Variants in CAST observed in about 807,000 individuals in gnomAD.
CAST encodes the protein calpastatin, also known as MIR583 host.
CAST carries 76 observed loss-of-function variants against 119.6 expected under a neutral mutation model. That is an observed-to-expected ratio of 0.64 (90% confidence interval 0.53 to 0.77). The LOEUF (loss-of-function observed/expected upper bound fraction) is 0.77, where lower values mean the gene tolerates loss of function less well. Ranked by LOEUF, CAST falls within the 30% of genes least tolerant of loss-of-function variation. CAST has a pLI of 0.00. For missense variants in CAST, 953 were observed against 946.5 expected (o/e 1.01, Z -0.09); for synonymous variants, 319 against 331.6 (o/e 0.96, Z 0.41).
At chr5:96,439,947 T>C in the CAST span, among the ~76,000 whole-genome samples, 1 of 152,024 alleles carries the variant, frequency 6.6e-6, no homozygotes, top group Non-Finnish European at 1.5e-5. Context: ...GTACAATCAG[T>C]AAAACTGAAA....
the CAST span, among the ~76,000 whole-genome samples, chr5:96,494,398 A>G: frequency 1.3e-5 from 2 of 152,206 alleles, no homozygotes; most frequent in African/African-American, 4.8e-5. Flanking sequence ...ATATAAAGAC[A>G]TGGTGGCAAG....
chr5:96,602,308 A>G (rs55780418), intron 1 of CAST, among the ~76,000 whole-genome samples: 12,740 of 152,234 alleles, frequency 0.084, 618 homozygotes, highest in African/African-American at 0.14. Flanking sequence ...AAACCTTTAC[A>G]TTTCTACTAT....
chr5:96,249,548 C>A, the CAST span, among the ~76,000 whole-genome samples: 30 of 152,168 alleles, frequency 2.0e-4, no homozygotes, highest in Non-Finnish European at 3.8e-4. Context: ...CTTAGGTTGT[C>A]CCAACTGCAA....
chr5:96,503,922 A>T, the CAST span, among the ~76,000 whole-genome samples: 2 of 152,198 alleles, frequency 1.3e-5, no homozygotes, highest in African/African-American at 4.8e-5. Context: ...AGAAGAAGAA[A>T]ATGGAAAAAG....
chr5:96,267,983 A>T, the CAST span, among the ~76,000 whole-genome samples: 1 of 152,192 alleles, frequency 6.6e-6, no homozygotes, highest in African/African-American at 2.4e-5. Context: ...ATTCTTTATG[A>T]TCTAAGATAA....
intron 1 of CAST, among the ~76,000 whole-genome samples, chr5:96,648,966 T>A (rs187494211): frequency 5.9e-4 from 90 of 152,314 alleles, no homozygotes; most frequent in African/African-American, 2.1e-3. Flanking sequence ...ACAGGATTCA[T>A]GTTTTTGTTG....
At chr5:96,460,301 T>C in the CAST span, among the ~76,000 whole-genome samples, 11 of 151,912 alleles carry the variant, frequency 7.2e-5, no homozygotes, top group East Asian at 7.7e-4. Flanking sequence ...GAGAGAAGAA[T>C]TGTAAGGAGA....
At chr5:96,752,562 ATTTTTTTTTTTTTTTTT>A in intron 20 of CAST, among the ~76,000 whole-genome samples, 1 of 16,126 alleles carries the variant, frequency 6.2e-5, no homozygotes, top group East Asian at 1.3e-3. Context: ...AACCTCAGGG[ATTTTTTTTTTTTTTTTT>A]TTTTTTTTTT....
chr5:96,268,843 C>T, the CAST span, among the ~76,000 whole-genome samples: 2 of 152,180 alleles, frequency 1.3e-5, no homozygotes, highest in Non-Finnish European at 2.9e-5. Context: ...CAAATCTCAT[C>T]TCAAATTGTA....
the CAST span, among the ~76,000 whole-genome samples, chr5:96,170,085 A>C: frequency 6.6e-6 from 1 of 152,150 alleles, no homozygotes; most frequent in Non-Finnish European, 1.5e-5. Flanking sequence ...CCACTGTGAG[A>C]GTTACCCAAA....
chr5:96,069,577 G>A, the CAST span, among the ~76,000 whole-genome samples: 12 of 151,656 alleles, frequency 7.9e-5, no homozygotes, highest in Non-Finnish European at 1.3e-4. Context: ...TTCACTCCTG[G>A]GCTCAAGTGG....
chr5:96,297,505 A>AGG, the CAST span, among the ~76,000 whole-genome samples: 2 of 152,100 alleles, frequency 1.3e-5, no homozygotes, highest in Non-Finnish European at 2.9e-5. Context: ...ATCCCAACCT[A>AGG]GATGCTTGAC....
At chr5:96,670,621 C>T (rs940324900) in intron 1 of CAST, among the ~76,000 whole-genome samples, 2 of 152,172 alleles carry the variant, frequency 1.3e-5, no homozygotes, top group Non-Finnish European at 2.9e-5. Flanking sequence ...CCTCAGCCTC[C>T]GGAGTAGCTG....
chr5:96,206,075 T>C, the CAST span, among the ~76,000 whole-genome samples: 1 of 152,074 alleles, frequency 6.6e-6, no homozygotes, highest in Non-Finnish European at 1.5e-5. Flanking sequence ...TTAGGGATGT[T>C]GAGAATTTTT....
At chr5:96,453,654 G>T in the CAST span, among the ~76,000 whole-genome samples, 2 of 152,134 alleles carry the variant, frequency 1.3e-5, no homozygotes, top group Admixed American at 6.5e-5. Context: ...GCAATGTTTA[G>T]CTCAGTCTGC....
the CAST span, among the ~76,000 whole-genome samples, chr5:96,207,408 G>A: frequency 2.0e-5 from 3 of 151,960 alleles, no homozygotes; most frequent in African/African-American, 7.3e-5. Context: ...TCCAGCTTTT[G>A]CCCATTCAGT....
the CAST span, among the ~76,000 whole-genome samples, chr5:96,160,075 G>T: frequency 6.6e-6 from 1 of 152,084 alleles, no homozygotes; most frequent in African/African-American, 2.4e-5. Context: ...GGGAGGCAGA[G>T]GTTGCAGTGA....
chr5:96,306,393 A>G, the CAST span, among the ~76,000 whole-genome samples: 8 of 152,230 alleles, frequency 5.3e-5, no homozygotes, highest in East Asian at 1.4e-3. Context: ...TTTTCAAAAA[A>G]CCAACTCCTG....
At chr5:96,656,820 C>CA (rs1191421000) in intron 1 of CAST, among the ~76,000 whole-genome samples, 1 of 152,062 alleles carries the variant, frequency 6.6e-6, no homozygotes. Context: ...GCCCCTGGTG[C>CA]ATGCTCTTAA....
Sources: allele counts gnomAD v4.1 joint callset (sites outside exome capture counted in the v4.1 genomes callset), GRCh38; gene constraint gnomAD v4.1.1; transcripts MANE v1.5; gene names NCBI Gene and HGNC (gene_info 2026-07-23, HGNC 2026-07-21).